Variants in HRH1 observed in about 807,000 individuals in gnomAD.
HRH1 encodes the protein histamine receptor H1.
A neutral mutation model predicts 10.3 loss-of-function variants in HRH1; 6 were observed. The ratio of observed to expected loss-of-function variants is 0.58; its 90% CI spans 0.32 to 1.15. The LOEUF (loss-of-function observed/expected upper bound fraction) is 1.15. Ranked by LOEUF, HRH1 falls within the 50% of genes most tolerant of loss-of-function variation. The pLI, the probability that HRH1 is intolerant of heterozygous loss-of-function variation, is 0.05. For missense variants in HRH1, 514 were observed against 615.3 expected, an observed-to-expected ratio of 0.84 and a Z score of 1.74; for synonymous variants, 242 against 236.7, an observed-to-expected ratio of 1.02 and a Z score of -0.21.
chr3:11,145,826 AATG>A (rs1161110243), intron 1 of HRH1, among the ~76,000 whole-genome samples: 12 of 152,298 alleles, frequency 7.9e-5, no homozygotes, highest in South Asian at 4.1e-4. Context: ...ATATGAATAG[AATG>A]ATATGTTTAC....
chr3:11,213,649 C>T (rs1325964451), intron 1 of HRH1, among the ~76,000 whole-genome samples: 1 of 152,146 alleles, frequency 6.6e-6, no homozygotes, highest in Non-Finnish European at 1.5e-5. Flanking sequence ...ACAGAAGAGC[C>T]AGGCAGCTCT....
chr3:11,167,906 ATTG>A (rs1409349803), intron 1 of HRH1, among the ~76,000 whole-genome samples: 1 of 152,152 alleles, frequency 6.6e-6, no homozygotes, highest in Non-Finnish European at 1.5e-5. Context: ...GGTGTCAGGG[ATTG>A]TTCTGGGTGC....
At chr3:11,257,498 T>A (rs185041630) in intron 1 of HRH1, among the ~76,000 whole-genome samples, 125 of 151,378 alleles carry the variant, frequency 8.3e-4, no homozygotes, top group African/African-American at 2.9e-3. Flanking sequence ...AGCTGGAGAT[T>A]GTAGTGAGCC....
intron 1 of HRH1, among the ~76,000 whole-genome samples, chr3:11,213,351 T>C (rs961750580): frequency 6.6e-5 from 10 of 152,240 alleles, no homozygotes; most frequent in African/African-American, 2.2e-4. Context: ...CTGTGTGACC[T>C]TGGGCTCCTT....
chr3:11,163,174 G>A (rs1330196430), intron 1 of HRH1, among the ~76,000 whole-genome samples: 25 of 152,056 alleles, frequency 1.6e-4, no homozygotes, highest in Admixed American at 1.6e-3. Flanking sequence ...TCCCCACTGT[G>A]CATCACCCCA....
chr3:11,157,027 G>C (rs1433575626), intron 1 of HRH1, among the ~76,000 whole-genome samples: 1 of 152,240 alleles, frequency 6.6e-6, no homozygotes, highest in Non-Finnish European at 1.5e-5. Context: ...ATTGCAACGA[G>C]TGTCACTAGT....
chr3:11,220,706 G>A (rs555242717), intron 1 of HRH1, among the ~76,000 whole-genome samples: 1 of 152,290 alleles, frequency 6.6e-6, no homozygotes, highest in South Asian at 2.1e-4. Context: ...TGAACTTAAA[G>A]AACAGACAAG....
intron 1 of HRH1, among the ~76,000 whole-genome samples, chr3:11,156,902 G>A (rs554623304): frequency 1.3e-5 from 2 of 152,330 alleles, no homozygotes; most frequent in African/African-American, 4.8e-5. Flanking sequence ...TAGATGTAAT[G>A]TGTGCCCCAA....
intron 1 of HRH1, among the ~76,000 whole-genome samples, chr3:11,246,596 A>G (rs1559284452): frequency 6.6e-6 from 1 of 152,156 alleles, no homozygotes; most frequent in East Asian, 1.9e-4. Context: ...CATTCAAGCT[A>G]TTTTTTTATT....
chr3:11,148,564 G>A (rs1045023124), intron 1 of HRH1, among the ~76,000 whole-genome samples: 2 of 152,050 alleles, frequency 1.3e-5, no homozygotes, highest in Non-Finnish European at 2.9e-5. Context: ...AAGGTGACAC[G>A]AATGTGACTC....
At chr3:11,214,447 C>T (rs561364164) in intron 1 of HRH1, among the ~76,000 whole-genome samples, 44 of 152,264 alleles carry the variant, frequency 2.9e-4, no homozygotes, top group Admixed American at 2.0e-3. Context: ...AGAAACCAGT[C>T]GGTAATGGTG....
At chr3:11,192,445 T>C (rs1937560320) in intron 1 of HRH1, among the ~76,000 whole-genome samples, 1 of 152,184 alleles carries the variant, frequency 6.6e-6, no homozygotes, top group Non-Finnish European at 1.5e-5. Context: ...TATTCCACAG[T>C]GTAAATACAC....
intron 1 of HRH1, among the ~76,000 whole-genome samples, chr3:11,147,363 A>G (rs1228900165): frequency 6.6e-6 from 1 of 152,202 alleles, no homozygotes; most frequent in East Asian, 1.9e-4. Context: ...AGAGTCCTGT[A>G]CCTTTTAATA....
At chr3:11,190,233 C>T (rs1003993985) in intron 1 of HRH1, among the ~76,000 whole-genome samples, 4 of 151,386 alleles carry the variant, frequency 2.6e-5, no homozygotes, top group East Asian at 2.0e-4. Context: ...CTGACTAGTC[C>T]GGGTGTGGTG....
chr3:11,235,687 G>C (rs905908484), intron 1 of HRH1, among the ~76,000 whole-genome samples: 1 of 152,240 alleles, frequency 6.6e-6, no homozygotes, highest in African/African-American at 2.4e-5. Context: ...CCAGCAAGGG[G>C]AGTTGAGTCA....
At chr3:11,223,183 CAAAAAAAAAAAAA>C (rs58149660) in intron 1 of HRH1, among the ~76,000 whole-genome samples, 27 of 26,808 alleles carry the variant, frequency 1.0e-3, no homozygotes, top group Non-Finnish European at 1.5e-3. Context: ...GACTTCGTCT[CAAAAAAAAAAAAA>C]AAAAAAAAAA....
At chr3:11,188,130 C>T (rs1026675276) in intron 1 of HRH1, among the ~76,000 whole-genome samples, 3 of 152,134 alleles carry the variant, frequency 2.0e-5, no homozygotes, top group East Asian at 1.9e-4. Context: ...CGTGAACTAT[C>T]GTTGTTTAAC....
At chr3:11,148,180 CAAAAAAAAAA>C (rs58792725) in intron 1 of HRH1, among the ~76,000 whole-genome samples, 1 of 85,970 alleles carries the variant, frequency 1.2e-5, no homozygotes, top group Non-Finnish European at 2.5e-5. Context: ...CTCTGTCAAA[CAAAAAAAAAA>C]AAAAAAAAGA....
rs1165198569 is a variant in HRH1, at chr3:11,259,636, A to G, written c.599A>G (p.Tyr200Cys). 6.2e-7 allele frequency: 1 copy of G among 1,613,784 alleles called. No individual in the cohort carries two copies. The highest frequency in any genetic ancestry group is 8.5e-7 in the Non-Finnish European group (1 of 1,179,948). The change falls in exon 2 of 2, where the codon TAC becomes TGC. Residue 200 changes from tyrosine (Y) to cysteine (C), a missense_variant. Coordinates refer to ENST00000431010, the MANE Select transcript of HRH1 (RefSeq NM_001098212.2). The surrounding 1 kb of genome is among the most constrained non-coding windows in gnomAD (Gnocchi z 4.6). The part of the protein sequence containing the change: ...FKVMTAIINF[Y>C]LPTLLMLWFY... ...GTCATGACTGCCATCATCAACTTCT[A>G]CCTGCCCACCTTGCTCATGCTCTGG...
Sources: allele counts gnomAD v4.1 joint callset (sites outside exome capture counted in the v4.1 genomes callset), GRCh38; gene constraint gnomAD v4.1.1; non-coding constraint Gnocchi (gnomAD v3.1); transcripts MANE v1.5; gene names NCBI Gene and HGNC (gene_info 2026-07-23, HGNC 2026-07-21).